Variants in STK33 observed in about 807,000 individuals in gnomAD.
The protein encoded by STK33 is serine/threonine-protein kinase 33.
In STK33, 52 loss-of-function variants were observed where a neutral mutation model predicts 58.0. The observed-to-expected ratio is 0.90, with a 90% CI of 0.72 to 1.13. The LOEUF is 1.13. Ranked by LOEUF, STK33 falls within the 50% of genes most tolerant of loss-of-function variation. The pLI is 0.00. For synonymous variants in STK33, 215 were observed against 200.1 expected (o/e 1.07, Z -0.63); for missense variants, 630 against 604.2 (o/e 1.04, Z -0.45).
At chr11:8,407,603 A>G (rs1170300514) in intron 15 of STK33, among the ~76,000 whole-genome samples, 1 of 152,092 alleles carries the variant, frequency 6.6e-6, no homozygotes, top group Non-Finnish European at 1.5e-5. Flanking sequence ...AAATTTCTCA[A>G]TGTACTGGCA....
the STK33 span, among the ~76,000 whole-genome samples, chr11:8,381,151 T>C: frequency 2.0e-5 from 3 of 152,226 alleles, no homozygotes; most frequent in African/African-American, 7.2e-5. Flanking sequence ...ACCTACATAT[T>C]GGGTACAATG....
intron 1 of STK33, among the ~76,000 whole-genome samples, chr11:8,590,435 T>A (rs1411526093): frequency 6.7e-6 from 1 of 149,512 alleles, no homozygotes; most frequent in Non-Finnish European, 1.5e-5. Flanking sequence ...AAAATAAGGA[T>A]AATAGTATTC....
chr11:8,336,340 A>G, the STK33 span, among the ~76,000 whole-genome samples: 1 of 152,234 alleles, frequency 6.6e-6, no homozygotes, highest in Non-Finnish European at 1.5e-5. Context: ...GGGTGGGACA[A>G]TGGCAGCACA....
rs570450565 is a variant in STK33 at position 8,557,014 on chromosome 11, G to A, written c.-466+37069C>T. Among the ~76,000 whole-genome samples the A allele has an allele frequency of 2.6e-5, 4 of 151,910 alleles. No homozygotes were observed. The South Asian group carries it at 8.3e-4, about 32-fold the overall frequency. On this transcript the variant is annotated intron_variant, in intron 1 of 15. Transcript: ENST00000687296. Reference sequence around the variant, plus strand: ...GCCTGTAATCCCAACACTTTGGGAGGCCAAAGCAGGAGGATCACTTGAGCC... The same window carrying A: ...GCCTGTAATCCCAACACTTTGGGAGACCAAAGCAGGAGGATCACTTGAGCC...
At chr11:8,398,434 C>A (rs12419836) in intron 15 of STK33, among the ~76,000 whole-genome samples, 4,907 of 152,258 alleles carry the variant, frequency 0.032, 108 homozygotes, top group East Asian at 0.08. Flanking sequence ...CACCACCAGG[C>A]CTGCCCTAAA....
intron 15 of STK33, among the ~76,000 whole-genome samples, chr11:8,408,012 G>C (rs569681851): frequency 6.6e-6 from 1 of 152,060 alleles, no homozygotes; most frequent in Non-Finnish European, 1.5e-5. Flanking sequence ...CAGAAAAAAT[G>C]ATCAAAAGTT....
At chr11:8,447,634 T>C (rs1945679002) in intron 11 of STK33, among the ~76,000 whole-genome samples, 1 of 152,158 alleles carries the variant, frequency 6.6e-6, no homozygotes, top group South Asian at 2.1e-4. Flanking sequence ...ATGGGATGTA[T>C]CTCAAAATAA....
chr11:8,564,071 C>A (rs750174711), intron 1 of STK33, among the ~76,000 whole-genome samples: 2 of 152,068 alleles, frequency 1.3e-5, no homozygotes, highest in Non-Finnish European at 2.9e-5. Flanking sequence ...TTTTCAGGAG[C>A]GGAGTGGCAT....
At chr11:8,546,227 A>G (rs1320025702) in intron 1 of STK33, among the ~76,000 whole-genome samples, 3 of 152,202 alleles carry the variant, frequency 2.0e-5, no homozygotes, top group African/African-American at 7.2e-5. Context: ...CACTGTGCAA[A>G]TACTTGTACA....
At chr11:8,569,759 C>A (rs1957677293) in intron 1 of STK33, among the ~76,000 whole-genome samples, 1 of 152,048 alleles carries the variant, frequency 6.6e-6, no homozygotes, top group Admixed American at 6.5e-5. Flanking sequence ...GAATTCAAGA[C>A]TACCCTAGGC....
intron 1 of STK33, among the ~76,000 whole-genome samples, chr11:8,576,686 A>C (rs11041995): frequency 6.6e-6 from 1 of 151,944 alleles, no homozygotes; most frequent in Non-Finnish European, 1.5e-5. Context: ...CCATAAGATA[A>C]GTTCTACTAC....
downstream of STK33, among the ~76,000 whole-genome samples, chr11:8,389,311 G>A (rs112212897): frequency 1.2e-4 from 19 of 152,322 alleles, no homozygotes; most frequent in South Asian, 1.5e-3. Context: ...GGGAGTCAGC[G>A]TCTGGACCTG....
chr11:8,409,556 T>C (rs1021794053), intron 15 of STK33, among the ~76,000 whole-genome samples: 1 of 152,162 alleles, frequency 6.6e-6, no homozygotes, highest in Non-Finnish European at 1.5e-5. Flanking sequence ...GAATAATTAA[T>C]TGGAAACAAG....
At chr11:8,454,449 A>C (rs1946618550) in intron 10 of STK33, among the ~76,000 whole-genome samples, 1 of 152,220 alleles carries the variant, frequency 6.6e-6, no homozygotes, top group Non-Finnish European at 1.5e-5. Flanking sequence ...TCAAATTACC[A>C]GACATAATTT....
intron 15 of STK33, among the ~76,000 whole-genome samples, chr11:8,393,044 T>C (rs1848790570): frequency 6.6e-6 from 1 of 152,240 alleles, no homozygotes; most frequent in South Asian, 2.1e-4. Flanking sequence ...TACAGATTTC[T>C]ACACAAGCTC....
At chr11:8,556,245 GA>G (rs1240444320) in intron 1 of STK33, among the ~76,000 whole-genome samples, 1 of 152,088 alleles carries the variant, frequency 6.6e-6, no homozygotes, top group African/African-American at 2.4e-5. Context: ...TTTCTGAGCA[GA>G]AAAAAGCGTC....
intron 1 of STK33, among the ~76,000 whole-genome samples, chr11:8,516,790 C>T (rs928058012): frequency 1.3e-5 from 2 of 152,174 alleles, no homozygotes; most frequent in African/African-American, 2.4e-5. Flanking sequence ...GGGGGAGGGG[C>T]GTCCGCCATT....
intron 15 of STK33, among the ~76,000 whole-genome samples, chr11:8,407,544 T>C (rs1300340063): frequency 1.3e-5 from 2 of 152,154 alleles, no homozygotes; most frequent in African/African-American, 4.8e-5. Flanking sequence ...ATTTTCTATT[T>C]TTGTGTAACT....
chr11:8,432,736 C>T (rs1564942614), intron 14 of STK33, among the ~76,000 whole-genome samples: 1 of 152,148 alleles, frequency 6.6e-6, no homozygotes, highest in Non-Finnish European at 1.5e-5. Flanking sequence ...TTACTTCAAA[C>T]AGGGGATATG....
Sources: gnomAD v4.1 joint callset for allele counts (sites outside exome capture counted in the v4.1 genomes callset) on GRCh38, gnomAD v4.1.1 for gene constraint, MANE v1.5 for transcripts, NCBI Gene and HGNC (gene_info 2026-07-23, HGNC 2026-07-21) for gene names.